Variants in DENND1B observed in about 807,000 individuals in gnomAD.
DENND1B encodes the protein DENN domain-containing protein 1B.
Under a neutral mutation model 90.1 loss-of-function variants are expected in DENND1B, and 59 were observed. The observed-to-expected ratio is 0.65, with a 90% CI of 0.53 to 0.81. DENND1B has a LOEUF of 0.81. Among genes scored for constraint, DENND1B ranks in the 40% least tolerant of loss-of-function variants. The pLI, the probability that DENND1B is intolerant of heterozygous loss-of-function variation, is 0.00. For missense variants in DENND1B, 862 were observed against 912.6 expected (o/e 0.94, Z 0.71); for synonymous variants, 337 against 324.6 (o/e 1.04, Z -0.41).
intron 12 of DENND1B, 60 bp downstream of exon 12, chr1:197,611,869 CTG>C (rs1206294330): frequency 6.9e-7 from 1 of 1,442,252 alleles, no homozygotes; most frequent in African/African-American, 1.4e-5. Context: ...CAAAACAAAA[CTG>C]TTTTAACTAT....
chr1:197,707,531 TATA>T (rs948934813), intron 3 of DENND1B, among the ~76,000 whole-genome samples: 5 of 149,620 alleles, frequency 3.3e-5, no homozygotes, highest in African/African-American at 4.9e-5. Context: ...CACATATATG[TATA>T]ATATCTATAT....
chr1:197,595,430 A>G, intron 13 of DENND1B, 97 bp from the exon 14 acceptor site: 2 of 1,449,112 alleles, frequency 1.4e-6, no homozygotes, highest in Non-Finnish European at 1.8e-6. Context: ...TCTGTAGGTC[A>G]GCCAAAAATT....
chr1:197,550,794 C>T (rs1196163702), intron 16 of DENND1B, among the ~76,000 whole-genome samples: 1 of 151,012 alleles, frequency 6.6e-6, no homozygotes, highest in South Asian at 2.1e-4. Flanking sequence ...CACGTGTACC[C>T]TAAAACTTTA....
chr1:197,549,915 A>C (rs903687100), intron 16 of DENND1B, among the ~76,000 whole-genome samples: 1 of 151,804 alleles, frequency 6.6e-6, no homozygotes, highest in African/African-American at 2.4e-5. Context: ...ATGTGAATCT[A>C]GATGTTCCTT....
chr1:197,695,886 G>A (rs1340142053), intron 3 of DENND1B, among the ~76,000 whole-genome samples: 2 of 151,024 alleles, frequency 1.3e-5, no homozygotes, highest in Non-Finnish European at 3.0e-5. Context: ...TACTCAATGT[G>A]TCTCAATTTC....
At chr1:197,544,792 A>AGAG (rs896269043) in intron 18 of DENND1B, among the ~76,000 whole-genome samples, 1 of 144,102 alleles carries the variant, frequency 6.9e-6, no homozygotes, top group Admixed American at 7.0e-5. Context: ...AAGAAGAAGA[A>AGAG]GAGGAGGAAG....
chr1:197,610,274 C>A (rs940652355), intron 12 of DENND1B, among the ~76,000 whole-genome samples: 3 of 150,552 alleles, frequency 2.0e-5, no homozygotes, highest in Admixed American at 2.0e-4. Context: ...TTCTCTAAGA[C>A]AACACTTTTT....
Position 197,768,126 on chromosome 1 carries a change from T to A in DENND1B, c.82+4742A>T, listed in dbSNP as rs117642166. ...AGTACAACATATTAGCTGCTGCAGCTGCTGCTGCTGCTCCTCCACCTCCTT... is the reference window on the plus strand; with the variant it reads ...AGTACAACATATTAGCTGCTGCAGCAGCTGCTGCTGCTCCTCCACCTCCTT... On this transcript the variant is annotated intron_variant, in intron 2 of 22. Transcript: ENST00000620048. Among the ~76,000 whole-genome samples the A allele has an allele frequency of 6.8e-4, 103 of 152,132 alleles. No homozygotes were observed. The East Asian group carries it at 0.02, about 29-fold the overall frequency.
chr1:197,765,974 A>C (rs1245894970), intron 2 of DENND1B, among the ~76,000 whole-genome samples: 7 of 152,230 alleles, frequency 4.6e-5, no homozygotes, highest in Non-Finnish European at 2.9e-5. Flanking sequence ...GCCACATATA[A>C]AAGTACATAT....
chr1:197,554,399 TA>T (rs139885567), intron 15 of DENND1B, among the ~76,000 whole-genome samples: 2,870 of 152,154 alleles, frequency 0.019, 87 homozygotes, highest in African/African-American at 0.064. Flanking sequence ...CCTAGAAATT[TA>T]AATTTTACCT....
intron 4 of DENND1B, among the ~76,000 whole-genome samples, chr1:197,673,316 A>C (rs994128929): frequency 6.6e-6 from 1 of 152,052 alleles, no homozygotes; most frequent in South Asian, 2.1e-4. Context: ...AAGGTAAAAC[A>C]AGGAGTATCA....
intron 2 of DENND1B, among the ~76,000 whole-genome samples, chr1:197,718,769 C>T (rs1022081259): frequency 2.0e-5 from 3 of 151,996 alleles, no homozygotes; most frequent in Non-Finnish European, 4.4e-5. Flanking sequence ...ATATGCATGA[C>T]ATCTTGAAGG....
chr1:197,681,626 C>T (rs1271614725), intron 3 of DENND1B, among the ~76,000 whole-genome samples: 2 of 152,112 alleles, frequency 1.3e-5, no homozygotes, highest in Non-Finnish European at 2.9e-5. Flanking sequence ...AAGGGTATTG[C>T]TAAAGATAAC....
Position 197,645,722 on chromosome 1 carries a change from C to G in DENND1B, c.529G>C (p.Asp177His). 1 of 1,572,204 alleles carries G rather than the reference C, an allele frequency of 6.4e-7. No individual in the cohort carries two copies. Among genetic ancestry groups the G allele is most frequent in the East Asian group, 2.3e-5 (1 of 43,384 alleles). Residue 177 changes from aspartate (D) to histidine (H), a missense_variant, in exon 9 of 23, where the codon GAT (aspartate) becomes CAT (histidine). Physicochemically the swap from Asp to His is moderately conservative, Grantham distance 81 (BLOSUM62 -1). Coordinates refer to ENST00000620048, the MANE Select transcript of DENND1B (RefSeq NM_001195215.2). ...LVPHSYFIAP[D>H]VTGLPTIPES... ...GGTATTGTTGGGAGTCCAGTTACAT[C>G]AGGGGCAATGAAGTAGGAATGCTAA...
chr1:197,772,638 C>T lies in DENND1B; in HGVS notation c.82+230G>A, dbSNP rs115910743. 5.4e-3 allele frequency among the ~76,000 whole-genome samples: 825 copies of T among 152,206 alleles called. 10 individuals carry two copies. The highest frequency in any genetic ancestry group is 0.015 in the African/African-American group (623 of 41,524). ...AGGAGTTCAAGACCAGCCTGGGCAACGTGGTGAACCCTGTCTCCACAAAAA... is the reference window on the plus strand; with the variant it reads ...AGGAGTTCAAGACCAGCCTGGGCAATGTGGTGAACCCTGTCTCCACAAAAA... On this transcript the variant is annotated intron_variant, in intron 2 of 22. Transcript: ENST00000620048.
At chr1:197,618,824 T>G (rs1677889727) in intron 10 of DENND1B, among the ~76,000 whole-genome samples, 1 of 151,134 alleles carries the variant, frequency 6.6e-6, no homozygotes, top group African/African-American at 2.4e-5. Context: ...CCGTTTTCTC[T>G]ATTATTATAC....
chr1:197,620,236 C>G lies in DENND1B; in HGVS notation c.673-2477G>C, dbSNP rs549409095. Among the ~76,000 whole-genome samples the G allele has an allele frequency of 2.6e-5, 4 of 151,244 alleles. No individual in the cohort carries two copies. In the South Asian group the frequency reaches 8.3e-4, roughly 31 times the overall value. On this transcript the variant is annotated intron_variant, in intron 10 of 22. Coordinates refer to ENST00000620048, the MANE Select transcript of DENND1B (RefSeq NM_001195215.2). Reference sequence around the variant, plus strand: ...AATACTATTATGGCATATTCTTTTACAGATGATAGCAAAGTTGCAAGTAAA... The same window carrying G: ...AATACTATTATGGCATATTCTTTTAGAGATGATAGCAAAGTTGCAAGTAAA...
Position 197,506,576 on chromosome 1 carries a change from G to T in DENND1B, c.*3884C>A, listed in dbSNP as rs768450917. The T allele has an allele frequency of 6.6e-6, 1 of 151,388 alleles. No individual in the cohort carries two copies. Among genetic ancestry groups the T allele is most frequent in the Non-Finnish European group, 1.5e-5 (1 of 67,572 alleles). 9.4% of individuals were successfully genotyped at this position (151,388 alleles called of 1,614,324 possible). Reference sequence around the variant, plus strand: ...TCCTGAAAATCCACATTTTCTACAAGAGAATGAAGGTCTATTGATTATGAG... The same window carrying T: ...TCCTGAAAATCCACATTTTCTACAATAGAATGAAGGTCTATTGATTATGAG... On this transcript the variant is annotated 3_prime_UTR_variant, in exon 23 of 23. Coordinates refer to ENST00000620048, the MANE Select transcript of DENND1B (RefSeq NM_001195215.2).
In DENND1B at chr1:197,510,491, G is replaced by C. The variant is rs1667945358; in HGVS notation, c.2297C>G (p.Ser766Ter). The C allele has an allele frequency of 1.2e-6, 2 of 1,607,916 alleles. No homozygotes were observed. Among genetic ancestry groups the C allele is most frequent in the African/African-American group, 2.7e-5 (2 of 74,524 alleles). The change falls in exon 23 of 23, where the codon TCA becomes TGA. Residue 766 changes from serine to a stop codon, truncating the protein, a stop_gained. Coordinates refer to ENST00000620048, the MANE Select transcript of DENND1B (RefSeq NM_001195215.2). LOFTEE classifies it high-confidence loss of function. ...TTGGTTTCCATTTGTGTTTTTGTCT[G>C]AAATGTTCAAGCTTTGTTGGAAGTC... is the stretch of plus-strand genomic sequence containing the variant. Reference protein sequence around the residue: ...TSDFQQSLNISDKNTNGNQT With the variant: ...TSDFQQSLNI
Sources: allele counts gnomAD v4.1 joint callset (sites outside exome capture counted in the v4.1 genomes callset), GRCh38; gene constraint gnomAD v4.1.1; transcripts MANE v1.5; gene names NCBI Gene and HGNC (gene_info 2026-07-23, HGNC 2026-07-21).